WDR27: variants seen among roughly 807,000 people sequenced by gnomAD.
WDR27 encodes WD repeat domain 27.
WDR27 carries 100 observed loss-of-function variants against 114.4 expected under a neutral mutation model. The ratio of observed to expected loss-of-function variants is 0.87; its 90% CI spans 0.74 to 1.03. The LOEUF is 1.03. WDR27 is among the 50% of genes least tolerant of loss of function. The probability of loss-of-function intolerance (pLI) is 0.00; values close to 1 mark genes in which losing one functional copy is unlikely to be tolerated. For synonymous variants in WDR27, 449 were observed against 423.1 expected, an observed-to-expected ratio of 1.06 and a Z score of -0.75; for missense variants, 1,129 against 1,092.9, an observed-to-expected ratio of 1.03 and a Z score of -0.47.
At chr6:169,550,658 T>C (rs1365970903) in intron 25 of WDR27, among the ~76,000 whole-genome samples, 1 of 152,004 alleles carries the variant, frequency 6.6e-6, no homozygotes, top group Non-Finnish European at 1.5e-5. Flanking sequence ...TAACCTCAAG[T>C]GATCCACTCG....
intron 2 of WDR27, among the ~76,000 whole-genome samples, chr6:169,682,825 G>C (rs557846390): frequency 6.6e-6 from 1 of 152,094 alleles, no homozygotes; most frequent in South Asian, 2.1e-4. Flanking sequence ...AGAAAATTTA[G>C]AAAAACAGAG....
chr6:169,669,958 T>C (rs1357933148), intron 4 of WDR27: 1 of 152,090 alleles, frequency 6.6e-6, no homozygotes, highest in African/African-American at 2.4e-5. Flanking sequence ...AACAGCTTTG[T>C]GAGCCATGTT....
chr6:169,631,687 G>A (rs73239101), intron 21 of WDR27, among the ~76,000 whole-genome samples: 6,329 of 152,150 alleles, frequency 0.042, 425 homozygotes, highest in African/African-American at 0.14. Context: ...TCTGAATCCC[G>A]GGGTCTCTCA....
chr6:169,695,159 C>A (rs1785547619), intron 1 of WDR27, among the ~76,000 whole-genome samples: 1 of 152,174 alleles, frequency 6.6e-6, no homozygotes, highest in Non-Finnish European at 1.5e-5. Context: ...AAATTTAAAA[C>A]TTCTATTTTT....
At chr6:169,522,549 G>A (rs1794508733) in intron 25 of WDR27, among the ~76,000 whole-genome samples, 1 of 151,910 alleles carries the variant, frequency 6.6e-6, no homozygotes, top group Admixed American at 6.6e-5. Flanking sequence ...ACATTCTACA[G>A]AACAGATCAT....
intron 24 of WDR27, 73 bp downstream of exon 24, chr6:169,582,763 T>G: frequency 8.2e-7 from 1 of 1,221,692 alleles, no homozygotes; most frequent in Non-Finnish European, 1.2e-6. Context: ...CAAAATAAAG[T>G]CATAAAGATA....
At chr6:169,570,372 C>A (rs1801182747) in intron 25 of WDR27, among the ~76,000 whole-genome samples, 1 of 152,192 alleles carries the variant, frequency 6.6e-6, no homozygotes, top group Non-Finnish European at 1.5e-5. Context: ...AGAAAAAGAA[C>A]CTTCTCCAAC....
chr6:169,642,048 C>T (rs184430097), intron 17 of WDR27, among the ~76,000 whole-genome samples: 95 of 152,342 alleles, frequency 6.2e-4, no homozygotes, highest in Non-Finnish European at 1.1e-3. Context: ...TACGGTTGCT[C>T]TCAGTGGTTT....
At chr6:169,686,781 A>G (rs1020300345) in intron 2 of WDR27, among the ~76,000 whole-genome samples, 2 of 152,212 alleles carry the variant, frequency 1.3e-5, no homozygotes, top group Non-Finnish European at 2.9e-5. Context: ...AATTTGGTAC[A>G]TATACACAAT....
intron 25 of WDR27, among the ~76,000 whole-genome samples, chr6:169,492,470 G>T (rs533483199): frequency 1.3e-5 from 2 of 152,154 alleles, no homozygotes; most frequent in East Asian, 1.9e-4. Flanking sequence ...ACAGCAAATT[G>T]CTTATCAGCA....
the WDR27 span, among the ~76,000 whole-genome samples, chr6:169,441,439 C>T: frequency 1.3e-5 from 2 of 152,214 alleles, no homozygotes; most frequent in Non-Finnish European, 2.9e-5. Context: ...AGACCAGCGG[C>T]AGGTGGGAAG....
chr6:169,654,800 G>A (rs751385026), intron 13 of WDR27, among the ~76,000 whole-genome samples: 18 of 151,958 alleles, frequency 1.2e-4, no homozygotes, highest in African/African-American at 3.1e-4. Context: ...AGACGGAGGC[G>A]CGCTCAGGAG....
intron 25 of WDR27, among the ~76,000 whole-genome samples, chr6:169,526,089 C>T (rs1052096309): frequency 6.6e-6 from 1 of 152,016 alleles, no homozygotes; most frequent in Non-Finnish European, 1.5e-5. Context: ...CTGAGAAGGG[C>T]AGGGGAATGA....
intron 14 of WDR27, 87 bp downstream of exon 14, chr6:169,651,843 G>T: frequency 8.4e-7 from 1 of 1,185,366 alleles, no homozygotes; most frequent in Non-Finnish European, 1.2e-6. Flanking sequence ...TGGCCCTCGG[G>T]GATGTATGTG....
In WDR27 at chr6:169,658,282, G is replaced by A. The variant is rs569574722; in HGVS notation, c.1396C>T (p.Arg466Ter). Residue 466 changes from arginine to a stop codon, truncating the protein, a stop_gained, in exon 13 of 26, where the codon CGA (arginine) becomes TGA (stop). Transcript: ENST00000448612. LOFTEE classifies it high-confidence loss of function. ...EKSTKAASEQ[R>*]RAARNVMKDQ... The stretch of plus-strand genomic sequence containing the variant: ...CACAGCACCCTGTACTGACCACGTC[G>A]CTGTTCACTAGCAGCCTTGGTACTC... 3.4e-5 allele frequency: 54 copies of A among 1,598,874 alleles called. No homozygotes were observed. The highest frequency in any genetic ancestry group is 3.4e-4 in the East Asian group (15 of 44,444).
intron 24 of WDR27, among the ~76,000 whole-genome samples, chr6:169,580,946 T>TAC (rs1554297540): frequency 4.6e-5 from 4 of 87,184 alleles, no homozygotes; most frequent in Admixed American, 3.2e-4. Context: ...TATATATATA[T>TAC]ATATATACAT....
At chr6:169,567,397 C>G (rs993989449) in intron 25 of WDR27, among the ~76,000 whole-genome samples, 152 of 152,240 alleles carry the variant, frequency 1.0e-3, no homozygotes, top group African/African-American at 3.5e-3. Context: ...CACTTTCTGG[C>G]CAGTGTGAAA....
chr6:169,671,996 A>G (rs558937935), intron 3 of WDR27: 62 of 310,590 alleles, frequency 2.0e-4, no homozygotes, highest in African/African-American at 1.3e-3. Context: ...AAAGGGACAT[A>G]AGATCAAAAC....
chr6:169,604,967 T>C (rs1314637377), intron 22 of WDR27, among the ~76,000 whole-genome samples: 3 of 151,870 alleles, frequency 2.0e-5, no homozygotes, highest in African/African-American at 7.3e-5. Context: ...AAAGGCCATA[T>C]ACAACAGTCC....
Sources: gnomAD v4.1 joint callset for allele counts (sites outside exome capture counted in the v4.1 genomes callset) on GRCh38, gnomAD v4.1.1 for gene constraint, MANE v1.5 for transcripts, NCBI Gene and HGNC (gene_info 2026-07-23, HGNC 2026-07-21) for gene names.